Variants in TENM3 observed in about 807,000 individuals in gnomAD.
The protein encoded by TENM3 is teneurin-3.
In TENM3, 63 loss-of-function variants were observed where a neutral mutation model predicts 255.1. The observed-to-expected ratio is 0.25, with a 90% CI of 0.20 to 0.30. The LOEUF (loss-of-function observed/expected upper bound fraction) is 0.30, where lower values mean the gene tolerates loss of function less well. Among genes scored for constraint, TENM3 ranks in the 10% least tolerant of loss-of-function variants. The pLI, the probability that TENM3 is intolerant of heterozygous loss-of-function variation, is 1.00. For missense variants in TENM3, 2,929 were observed against 3,461.1 expected, an observed-to-expected ratio of 0.85 and a Z score of 3.86; for synonymous variants, 1,306 against 1,322.3, an observed-to-expected ratio of 0.99 and a Z score of 0.27.
intron 3 of TENM3, among the ~76,000 whole-genome samples, chr4:182,531,957 C>T (rs761625713): frequency 9.2e-5 from 14 of 152,202 alleles, no homozygotes; most frequent in African/African-American, 3.4e-4. Flanking sequence ...CCACGGCTAG[C>T]CTTGCAAGCA....
At chr4:181,924,520 A>T in the TENM3 span, among the ~76,000 whole-genome samples, 1 of 152,192 alleles carries the variant, frequency 6.6e-6, no homozygotes, top group Non-Finnish European at 1.5e-5. Context: ...AAAATACTGT[A>T]TTTGGAATAT....
chr4:182,761,465 C>T (rs185975151), intron 22 of TENM3, among the ~76,000 whole-genome samples: 207 of 152,160 alleles, frequency 1.4e-3, no homozygotes, highest in Non-Finnish European at 2.2e-3. Flanking sequence ...CAGGACAAAA[C>T]TGAGAGGATA....
chr4:182,020,189 AC>A, the TENM3 span, among the ~76,000 whole-genome samples: 1 of 151,274 alleles, frequency 6.6e-6, no homozygotes, highest in African/African-American at 2.4e-5. Context: ...GCATGGTGAA[AC>A]CCCATTTCTA....
At chr4:181,840,438 AGTGT>A in the TENM3 span, among the ~76,000 whole-genome samples, 1 of 152,010 alleles carries the variant, frequency 6.6e-6, no homozygotes, top group African/African-American at 2.4e-5. Context: ...CTCAGGAGTG[AGTGT>A]ATTTGTTTTT....
At chr4:182,212,763 AG>A (rs1338400064) in intron 1 of TENM3, among the ~76,000 whole-genome samples, 4 of 152,232 alleles carry the variant, frequency 2.6e-5, no homozygotes, top group Non-Finnish European at 5.9e-5. Context: ...GACAAGTGGA[AG>A]AAAATCAATT....
intron 3 of TENM3, among the ~76,000 whole-genome samples, chr4:182,397,773 T>A (rs1192103320): frequency 3.9e-5 from 6 of 152,114 alleles, no homozygotes. Context: ...TTCCCCCAAG[T>A]TTCTGATTCG....
the TENM3 span, among the ~76,000 whole-genome samples, chr4:181,892,821 T>C: frequency 2.0e-5 from 3 of 152,218 alleles, no homozygotes; most frequent in African/African-American, 7.2e-5. Flanking sequence ...AAACTCTCTA[T>C]ACATTTTATA....
At chr4:182,783,817 C>A (rs576439139) in intron 24 of TENM3, among the ~76,000 whole-genome samples, 1 of 152,140 alleles carries the variant, frequency 6.6e-6, no homozygotes, top group Non-Finnish European at 1.5e-5. Flanking sequence ...CATCTTCCAT[C>A]GCTGATACCC....
At chr4:181,575,366 A>G in the TENM3 span, among the ~76,000 whole-genome samples, 3 of 152,150 alleles carry the variant, frequency 2.0e-5, no homozygotes, top group African/African-American at 7.2e-5. Context: ...CTAAAATGCA[A>G]TAAACAGATT....
the TENM3 span, among the ~76,000 whole-genome samples, chr4:181,964,980 T>A: frequency 6.6e-6 from 1 of 152,068 alleles, no homozygotes; most frequent in Non-Finnish European, 1.5e-5. Context: ...TCTACGCCAG[T>A]GAAACAGGAA....
chr4:182,796,844 T>G, intron 27 of TENM3, 77 bp downstream of exon 27: 1 of 1,134,728 alleles, frequency 8.8e-7, no homozygotes, highest in Non-Finnish European at 1.2e-6. Context: ...AAACTACCCT[T>G]GTGAAAACTG....
chr4:182,272,616 C>A (rs1759718430), intron 1 of TENM3, among the ~76,000 whole-genome samples: 1 of 152,124 alleles, frequency 6.6e-6, no homozygotes, highest in Non-Finnish European at 1.5e-5. Context: ...TCCTTCATGC[C>A]AACACGACAC....
chr4:181,482,255 T>C, the TENM3 span, among the ~76,000 whole-genome samples: 1 of 152,146 alleles, frequency 6.6e-6, no homozygotes, highest in Non-Finnish European at 1.5e-5. Flanking sequence ...TGACAACTTC[T>C]CCTTTCTACA....
the TENM3 span, among the ~76,000 whole-genome samples, chr4:182,043,328 T>C: frequency 6.6e-6 from 1 of 152,242 alleles, no homozygotes; most frequent in African/African-American, 2.4e-5. Flanking sequence ...AAACAGTTAA[T>C]GCAAAGCAGA....
At chr4:181,487,850 C>T in the TENM3 span, among the ~76,000 whole-genome samples, 1 of 152,062 alleles carries the variant, frequency 6.6e-6, no homozygotes, top group Non-Finnish European at 1.5e-5. Flanking sequence ...GGCGTCCAGG[C>T]TTCAGCAAAC....
At chr4:181,943,392 C>T in the TENM3 span, among the ~76,000 whole-genome samples, 7 of 151,918 alleles carry the variant, frequency 4.6e-5, no homozygotes, top group East Asian at 1.9e-4. Context: ...GGGTTCATTC[C>T]GATATTTCCA....
Position 182,789,027 on chromosome 4 carries a change from C to G in TENM3, c.5305-66C>G. ...TCAATCATCGTAAATGGTGTTTAAACAATACTGGGGACTCCGGTGTTGGAA... is the reference window on the plus strand; with the variant it reads ...TCAATCATCGTAAATGGTGTTTAAAGAATACTGGGGACTCCGGTGTTGGAA... On this transcript the variant is annotated intron_variant, in intron 24 of 27. Coordinates refer to ENST00000511685, the MANE Select transcript of TENM3 (RefSeq NM_001080477.4). The surrounding 1 kb of genome is among the most constrained non-coding windows in gnomAD (Gnocchi z 4.4). 9 of 1,377,374 alleles carry G rather than the reference C, an allele frequency of 6.5e-6. No individual in the cohort carries two copies. The highest frequency in any genetic ancestry group is 8.8e-6 in the Non-Finnish European group (9 of 1,022,346). 85.3% of individuals were successfully genotyped at this position (1,377,374 alleles called of 1,614,324 possible).
intron 12 of TENM3, among the ~76,000 whole-genome samples, chr4:182,689,350 C>T (rs887087300): frequency 2.0e-5 from 3 of 152,088 alleles, no homozygotes; most frequent in African/African-American, 4.8e-5. Context: ...TTTTTGCTCA[C>T]AGGATTTGGT....
chr4:182,073,929 C>T, the TENM3 span, among the ~76,000 whole-genome samples: 2 of 152,200 alleles, frequency 1.3e-5, no homozygotes, highest in Non-Finnish European at 2.9e-5. Flanking sequence ...ACTTTAACCC[C>T]TTCACTTTGC....
Sources: allele counts gnomAD v4.1 joint callset (sites outside exome capture counted in the v4.1 genomes callset), GRCh38; gene constraint gnomAD v4.1.1; non-coding constraint Gnocchi (gnomAD v3.1); transcripts MANE v1.5; gene names NCBI Gene and HGNC (gene_info 2026-07-23, HGNC 2026-07-21).